CUX1: variants seen among roughly 807,000 people sequenced by gnomAD.
CUX1 encodes the protein protein CASP.
A neutral mutation model predicts 158.8 loss-of-function variants in CUX1; 31 were observed. The observed-to-expected ratio is 0.20, with a 90% CI of 0.15 to 0.26. CUX1 has a LOEUF of 0.26. CUX1 is among the 10% of genes least tolerant of loss of function. CUX1 has a pLI of 1.00. For missense variants in CUX1, 1,589 were observed against 2,014.6 expected, an observed-to-expected ratio of 0.79 and a Z score of 4.04; for synonymous variants, 879 against 862.1, an observed-to-expected ratio of 1.02 and a Z score of -0.34.
At chr7:101,972,005 C>T (rs534329011) in intron 2 of CUX1, among the ~76,000 whole-genome samples, 6 of 152,320 alleles carry the variant, frequency 3.9e-5, no homozygotes, top group Non-Finnish European at 7.3e-5. Flanking sequence ...CTCGCTCTTT[C>T]GCCCAGGTGG....
chr7:101,908,668 C>T lies in CUX1; in HGVS notation c.31-7447C>T, dbSNP rs184106863. On this transcript the variant is annotated intron_variant, in intron 1 of 23. Coordinates refer to ENST00000292535, the MANE Select transcript of CUX1 (RefSeq NM_181552.4). ...TTTTTGTCCCATGGTCTGGTCCTGT[C>T]GGCCTTGTTGCACCTGGCAGTCAGG... 1.3e-3 allele frequency among the ~76,000 whole-genome samples: 200 copies of T among 152,254 alleles called. 2 individuals are homozygous for T. The highest frequency in any genetic ancestry group is 0.011 in the Admixed American group (171 of 15,296).
chr7:102,257,679 C>T lies in CUX1; in HGVS notation c.*8637C>T. 2.0e-6 allele frequency: 2 copies of T among 985,372 alleles called. No homozygotes were observed. Among genetic ancestry groups the T allele is most frequent in the Non-Finnish European group, 2.4e-6 (2 of 829,934 alleles). The allele number at this position is 985,372 out of a possible 1,614,324, so 61.0% of individuals were successfully genotyped here. ...CGCACTCACAGGGTGGCGGAATCTT[C>T]CGGAAAACTCTCTATAAGCTCAGCT... On this transcript the variant is annotated 3_prime_UTR_variant, in exon 24 of 24. Transcript: ENST00000292535.
intron 14 of CUX1, among the ~76,000 whole-genome samples, chr7:102,268,813 G>C (rs1214621161): frequency 6.6e-6 from 1 of 152,004 alleles, no homozygotes. Flanking sequence ...GAATGGGGGT[G>C]GGGGAGGTGC....
At chr7:101,986,985 ACACCAGGGCCACC>A (rs1368819792) in intron 2 of CUX1, among the ~76,000 whole-genome samples, 2 of 152,074 alleles carry the variant, frequency 1.3e-5, no homozygotes, top group Admixed American at 1.3e-4. Context: ...CCTCCCTGGA[ACACCAGGGCCACC>A]TCTCTGGGCT....
chr7:101,977,437 G>T (rs1284728122), intron 2 of CUX1, among the ~76,000 whole-genome samples: 107 of 152,046 alleles, frequency 7.0e-4, no homozygotes, highest in Non-Finnish European at 2.8e-4. Flanking sequence ...TAAATAAAAG[G>T]ATTCCCCAGC....
chr7:101,841,689 C>T (rs1042575382), intron 1 of CUX1, among the ~76,000 whole-genome samples: 5 of 152,038 alleles, frequency 3.3e-5, no homozygotes, highest in Admixed American at 2.6e-4. Context: ...TCCTGAGTAG[C>T]TGGGAGTATA....
intron 2 of CUX1, among the ~76,000 whole-genome samples, chr7:101,933,088 G>A (rs182551065): frequency 6.6e-6 from 1 of 152,302 alleles, no homozygotes. Flanking sequence ...GAAGAGCCGA[G>A]AGTCATTTTT....
rs781912223 is a variant in CUX1, at chr7:102,280,072, G to A, written c.1716G>A (p.Ser572=). ...GTGATGACACGGAGCTGCGGTACTC[G>A]TCCCAGTACGAGGAGCGCCTGGACC... The change falls in exon 19 of 23, where the codon TCG becomes TCA. Residue 572 remains serine, a synonymous_variant. Transcript: ENST00000292538. The A allele has an allele frequency of 2.7e-5, 44 of 1,610,746 alleles. 1 individual carries two copies. The highest frequency in any genetic ancestry group is 1.9e-4 in the African/African-American group (14 of 74,916).
chr7:102,109,013 C>T (rs1208830677), intron 6 of CUX1, among the ~76,000 whole-genome samples: 1 of 152,114 alleles, frequency 6.6e-6, no homozygotes, highest in Non-Finnish European at 1.5e-5. Flanking sequence ...CTTAGCTTCC[C>T]AAACTGCTGG....
intron 1 of CUX1, among the ~76,000 whole-genome samples, chr7:101,893,455 C>G (rs1173975414): frequency 6.6e-6 from 1 of 152,138 alleles, no homozygotes; most frequent in Non-Finnish European, 1.5e-5. Flanking sequence ...CAGCTCCAGG[C>G]TGTGGTGTGA....
chr7:102,283,496 C>T (rs113634317), exon 23 of CUX1: 142 of 196,056 alleles, frequency 7.2e-4, no homozygotes, highest in Non-Finnish European at 1.3e-3. Flanking sequence ...CTCCTAGGAT[C>T]CCCCCATGCC....
At chr7:102,006,883 G>A (rs1376991404) in intron 2 of CUX1, among the ~76,000 whole-genome samples, 4 of 152,204 alleles carry the variant, frequency 2.6e-5, no homozygotes, top group Non-Finnish European at 4.4e-5. Context: ...AGCCGTCCCC[G>A]CCCACCACGG....
intron 20 of CUX1, among the ~76,000 whole-genome samples, chr7:102,224,271 A>G (rs1798132751): frequency 6.6e-6 from 1 of 151,988 alleles, no homozygotes; most frequent in African/African-American, 2.4e-5. Flanking sequence ...CCATGGCACG[A>G]TCTCAGCTCA....
chr7:101,912,850 T>A (rs900388021), intron 1 of CUX1, among the ~76,000 whole-genome samples: 1 of 152,144 alleles, frequency 6.6e-6, no homozygotes, highest in Non-Finnish European at 1.5e-5. Context: ...TTTTGCTCTT[T>A]GTGACTTTTT....
chr7:101,842,872 A>ATTTTTTTTTT (rs375610847), intron 1 of CUX1, among the ~76,000 whole-genome samples: 3 of 105,772 alleles, frequency 2.8e-5, no homozygotes, highest in Non-Finnish European at 5.6e-5. Flanking sequence ...AAATTATTCT[A>ATTTTTTTTTT]TTTTTTTTTT....
chr7:102,104,441 A>C lies in CUX1; in HGVS notation c.512A>C (p.Asp171Ala). 6.2e-7 allele frequency: 1 copy of C among 1,613,224 alleles called. No homozygotes were observed. Among genetic ancestry groups the C allele is most frequent in the East Asian group, 2.2e-5 (1 of 44,888 alleles). Residue 171 changes from aspartate to alanine, a missense_variant, in exon 6 of 24, where the codon GAC becomes GCC. Asp to Ala is a moderately radical substitution (Grantham distance 126). Transcript: ENST00000292535. ...ALEKEQKLQN[D>A]FAEKERKLQE... ...GAGAAGGAACAGAAGTTACAGAATGACTTTGCAGAAAAGGAGAGGTGAGCA... is the reference window on the plus strand; with the variant it reads ...GAGAAGGAACAGAAGTTACAGAATGCCTTTGCAGAAAAGGAGAGGTGAGCA...
At chr7:101,894,340 G>C (rs930666023) in intron 1 of CUX1, among the ~76,000 whole-genome samples, 5 of 152,230 alleles carry the variant, frequency 3.3e-5, no homozygotes, top group African/African-American at 9.6e-5. Flanking sequence ...TTGAGACGGA[G>C]TCTCGCTCTG....
At chr7:102,013,438 A>G (rs1818264226) in intron 2 of CUX1, among the ~76,000 whole-genome samples, 1 of 152,236 alleles carries the variant, frequency 6.6e-6, no homozygotes, top group Non-Finnish European at 1.5e-5. Flanking sequence ...TTTCATTACA[A>G]AGAAGCCATG....
intron 1 of CUX1, among the ~76,000 whole-genome samples, chr7:101,864,158 T>C (rs1797729517): frequency 6.6e-6 from 1 of 151,906 alleles, no homozygotes; most frequent in Non-Finnish European, 1.5e-5. Context: ...TGTCATTTTC[T>C]GGATTGTTTT....
Sources: gnomAD v4.1 joint callset for allele counts (sites outside exome capture counted in the v4.1 genomes callset) on GRCh38, gnomAD v4.1.1 for gene constraint, MANE v1.5 for transcripts, NCBI Gene and HGNC (gene_info 2026-07-23, HGNC 2026-07-21) for gene names.